The following KIAA1217 variants were observed in gnomAD, a reference collection of about 807,000 sequenced individuals.
The protein encoded by KIAA1217 is KIAA1217, also known as sickle tail protein homolog.
A neutral mutation model predicts 163.9 loss-of-function variants in KIAA1217; 88 were observed. That is an observed-to-expected ratio of 0.54 (90% CI 0.45 to 0.64). The LOEUF (loss-of-function observed/expected upper bound fraction) is 0.64, where lower values mean the gene tolerates loss of function less well. Among genes scored for constraint, KIAA1217 ranks in the 30% least tolerant of loss-of-function variants. The pLI is 0.00. For synonymous variants in KIAA1217, 903 were observed against 923.1 expected (o/e 0.98, Z 0.39); for missense variants, 2,372 against 2,475.0 (o/e 0.96, Z 0.88).
chr10:23,927,457 C>T (rs1463703445), intron 1 of KIAA1217, among the ~76,000 whole-genome samples: 3 of 151,586 alleles, frequency 2.0e-5, no homozygotes, highest in African/African-American at 4.9e-5. Flanking sequence ...AGAATTAGTG[C>T]CACACAAAAC....
chr10:24,117,561 G>A (rs2063109903), intron 2 of KIAA1217, among the ~76,000 whole-genome samples: 1 of 152,136 alleles, frequency 6.6e-6, no homozygotes, highest in African/African-American at 2.4e-5. Context: ...CTTGAGCCCA[G>A]GAGGTTGAGG....
intron 5 of KIAA1217, among the ~76,000 whole-genome samples, chr10:24,462,883 A>G (rs2062563803): frequency 6.6e-6 from 1 of 152,212 alleles, no homozygotes; most frequent in South Asian, 2.1e-4. Context: ...CTAAGGCGCT[A>G]AAAAGTTGTA....
intron 2 of KIAA1217, among the ~76,000 whole-genome samples, chr10:24,016,839 A>T (rs532625543): frequency 6.6e-6 from 1 of 152,078 alleles, no homozygotes; most frequent in South Asian, 2.1e-4. Context: ...AAGCACTAAA[A>T]CTGGCAAGCA....
At chr10:24,529,785 C>G (rs1273179385) in intron 14 of KIAA1217, among the ~76,000 whole-genome samples, 11 of 150,646 alleles carry the variant, frequency 7.3e-5, no homozygotes, top group Non-Finnish European at 1.5e-5. Flanking sequence ...GAGAAAATGC[C>G]CTAGCTCATC....
intron 5 of KIAA1217, among the ~76,000 whole-genome samples, chr10:24,458,836 G>A (rs920876362): frequency 1.3e-5 from 2 of 152,036 alleles, no homozygotes; most frequent in African/African-American, 4.8e-5. Context: ...AATTATGATT[G>A]CTGTCCAAAG....
At chr10:24,392,086 A>T (rs1427738713) in intron 3 of KIAA1217, among the ~76,000 whole-genome samples, 2 of 152,220 alleles carry the variant, frequency 1.3e-5, no homozygotes, top group African/African-American at 4.8e-5. Context: ...AAGAATTAAT[A>T]CAAGTAGCTG....
In KIAA1217 at chr10:24,131,568, G is replaced by A. The variant is rs541867974; in HGVS notation, c.-170-88058G>A. 3.0e-4 allele frequency among the ~76,000 whole-genome samples: 45 copies of A among 152,208 alleles called. 1 individual carries two copies. In the South Asian group the frequency reaches 6.4e-3, roughly 22 times the overall value. On this transcript the variant is annotated intron_variant, in intron 2 of 18. Transcript: ENST00000376462. Reference sequence around the variant, plus strand: ...AAAAGAGACAAGTCTGTAAGTTAGCGTCCCATAATTATGCCCGCTGTACAT... The same window carrying A: ...AAAAGAGACAAGTCTGTAAGTTAGCATCCCATAATTATGCCCGCTGTACAT...
chr10:23,714,254 C>CCATTAATGGTTATTGCTTAACTTGCAA (rs1365362870), intron 1 of KIAA1217, among the ~76,000 whole-genome samples: 3,025 of 152,140 alleles, frequency 0.02, 115 homozygotes, highest in African/African-American at 0.069. Context: ...AACTTGCTTA[C>CCATTAATGGTTATTGCTTAACTTGCAA]TAACCATTGT....
intron 2 of KIAA1217, among the ~76,000 whole-genome samples, chr10:24,140,203 C>A (rs1252170676): frequency 1.3e-5 from 2 of 151,494 alleles, no homozygotes; most frequent in East Asian, 3.9e-4. Context: ...ACTAAAAATA[C>A]AAAAAAATTA....
At chr10:24,348,670 A>T (rs2048093282) in intron 2 of KIAA1217, among the ~76,000 whole-genome samples, 1 of 152,202 alleles carries the variant, frequency 6.6e-6, no homozygotes, top group Admixed American at 6.5e-5. Context: ...CAAGCCCACC[A>T]CTGCATGTTC....
chr10:24,265,005 T>C (rs151325815), intron 2 of KIAA1217, among the ~76,000 whole-genome samples: 3 of 152,192 alleles, frequency 2.0e-5, no homozygotes, highest in Admixed American at 6.5e-5. Flanking sequence ...TGTGTGCCAC[T>C]ACCCACCACA....
At chr10:23,928,771 T>TA (rs1424207118) in intron 1 of KIAA1217, among the ~76,000 whole-genome samples, 10 of 152,300 alleles carry the variant, frequency 6.6e-5, no homozygotes, top group Admixed American at 1.3e-4. Context: ...TTCACATAAG[T>TA]AGTAAAGACC....
chr10:24,191,347 G>A (rs2066709732), intron 2 of KIAA1217, among the ~76,000 whole-genome samples: 1 of 152,156 alleles, frequency 6.6e-6, no homozygotes, highest in Admixed American at 6.6e-5. Flanking sequence ...CTCCATTCAG[G>A]AGAGTTATAT....
At chr10:23,803,027 C>T (rs918550805) in intron 1 of KIAA1217, among the ~76,000 whole-genome samples, 3 of 152,204 alleles carry the variant, frequency 2.0e-5, no homozygotes, top group Non-Finnish European at 2.9e-5. Flanking sequence ...GATAAAGGAA[C>T]TGGAGCCCAC....
At chr10:24,440,401 T>C (rs549866262) in intron 5 of KIAA1217, among the ~76,000 whole-genome samples, 3 of 152,322 alleles carry the variant, frequency 2.0e-5, no homozygotes, top group African/African-American at 7.2e-5. Flanking sequence ...ACCCTGGAGT[T>C]CCATGGTGCT....
At chr10:24,360,727 G>A (rs796224705) in intron 2 of KIAA1217, among the ~76,000 whole-genome samples, 15 of 152,302 alleles carry the variant, frequency 9.8e-5, no homozygotes, top group African/African-American at 2.6e-4. Flanking sequence ...GGTGCAACTC[G>A]AAACGTAATC....
chr10:23,780,917 G>A (rs1564413927), intron 1 of KIAA1217, among the ~76,000 whole-genome samples: 1 of 152,162 alleles, frequency 6.6e-6, no homozygotes, highest in Non-Finnish European at 1.5e-5. Flanking sequence ...CTGACCTCAG[G>A]TGAGCCACCA....
chr10:24,255,887 A>G (rs1293741672), intron 2 of KIAA1217, among the ~76,000 whole-genome samples: 1 of 152,080 alleles, frequency 6.6e-6, no homozygotes, highest in African/African-American at 2.4e-5. Flanking sequence ...CAAAGGCAGG[A>G]AGCATTTTTC....
chr10:23,711,518 T>C (rs1197020478), intron 1 of KIAA1217, among the ~76,000 whole-genome samples: 1 of 152,208 alleles, frequency 6.6e-6, no homozygotes, highest in Non-Finnish European at 1.5e-5. Context: ...TTGAGATTTC[T>C]GACCTATAGA....
Sources: gnomAD v4.1 joint callset for allele counts (sites outside exome capture counted in the v4.1 genomes callset) on GRCh38, gnomAD v4.1.1 for gene constraint, MANE v1.5 for transcripts, NCBI Gene and HGNC (gene_info 2026-07-23, HGNC 2026-07-21) for gene names.